TNPO1: variants seen among roughly 807,000 people sequenced by gnomAD.
TNPO1 encodes the protein transportin 1, also known as transportin-1.
Under a neutral mutation model 119.5 loss-of-function variants are expected in TNPO1, and 8 were observed. The observed-to-expected ratio is 0.07, with a 90% CI of 0.04 to 0.12. TNPO1 has a LOEUF of 0.12. Among genes scored for constraint, TNPO1 ranks in the 10% least tolerant of loss-of-function variants. The pLI, the probability that TNPO1 is intolerant of heterozygous loss-of-function variation, is 1.00. For missense variants in TNPO1, 576 were observed against 1,089.8 expected (o/e 0.53, Z 6.64); for synonymous variants, 362 against 363.0 (o/e 1.00, Z 0.03).
At chr5:72,900,216 T>C (rs1246391801) in intron 21 of TNPO1, 135 bp downstream of exon 21, 2 of 716,188 alleles carry the variant, frequency 2.8e-6, no homozygotes, top group Non-Finnish European at 4.6e-6. Flanking sequence ...ACTAATCTTG[T>C]CCTATCAGGT....
At chr5:72,853,173 A>T (rs1745718277) in intron 3 of TNPO1, among the ~76,000 whole-genome samples, 1 of 152,192 alleles carries the variant, frequency 6.6e-6, no homozygotes. Flanking sequence ...ACCTCAGGCC[A>T]GGCAAGGTGG....
chr5:72,871,771 G>A (rs975847350), intron 6 of TNPO1: 3 of 152,292 alleles, frequency 2.0e-5, no homozygotes, highest in Non-Finnish European at 4.4e-5. Context: ...TTGGGTTGTA[G>A]CAGCATAATG....
At chr5:72,882,000 A>T (rs548206711) in intron 9 of TNPO1, among the ~76,000 whole-genome samples, 32 of 152,280 alleles carry the variant, frequency 2.1e-4, no homozygotes, top group Non-Finnish European at 2.5e-4. Flanking sequence ...ACTCTTCATT[A>T]TCTTAACATT....
At chr5:72,891,319 G>A (rs537575657) in intron 14 of TNPO1, among the ~76,000 whole-genome samples, 1 of 152,132 alleles carries the variant, frequency 6.6e-6, no homozygotes, top group African/African-American at 2.4e-5. Flanking sequence ...CAAAAAATTA[G>A]CCGGGTGTGG....
chr5:72,894,128 C>T (rs995550291), intron 18 of TNPO1, among the ~76,000 whole-genome samples: 1 of 152,216 alleles, frequency 6.6e-6, no homozygotes, highest in Non-Finnish European at 1.5e-5. Flanking sequence ...CAACAAATGT[C>T]ACTTTAACTG....
rs114931910 is a variant in TNPO1, at chr5:72,822,215, C to T, written c.15+5463C>T. ...TACATCGATTTAAAAGGGAAAACAA[C>T]TCAGTTTTTTAAGTGGGCAAGTTCC... On this transcript the variant is annotated intron_variant, in intron 1 of 24. Transcript: ENST00000337273. Among the ~76,000 whole-genome samples the T allele has an allele frequency of 6.4e-3, 972 of 152,178 alleles. 8 individuals carry two copies. Among genetic ancestry groups the T allele is most frequent in the African/African-American group, 0.022 (925 of 41,512 alleles).
intron 9 of TNPO1, among the ~76,000 whole-genome samples, chr5:72,880,823 A>C (rs893198431): frequency 1.6e-4 from 25 of 151,776 alleles, no homozygotes; most frequent in Non-Finnish European, 2.8e-4. Context: ...TCTCAAAAAA[A>C]AAAAAAAAAA....
chr5:72,861,022 C>T (rs1006888861), intron 4 of TNPO1, among the ~76,000 whole-genome samples: 9 of 151,860 alleles, frequency 5.9e-5, no homozygotes, highest in African/African-American at 1.5e-4. Flanking sequence ...AAGCGATTCT[C>T]CTGCCTCAGC....
chr5:72,817,055 G>T, intron 1 of TNPO1: 1 of 420,514 alleles, frequency 2.4e-6, no homozygotes. Flanking sequence ...CTTACATTCA[G>T]GGGAGCGTTT....
At chr5:72,830,570 A>G (rs1389177174) in intron 1 of TNPO1, among the ~76,000 whole-genome samples, 2 of 152,186 alleles carry the variant, frequency 1.3e-5, no homozygotes, top group African/African-American at 4.8e-5. Flanking sequence ...AGCACTTAAG[A>G]AATGTTTGCT....
intron 1 of TNPO1, among the ~76,000 whole-genome samples, chr5:72,821,834 T>C (rs1222963692): frequency 6.6e-6 from 1 of 152,140 alleles, no homozygotes; most frequent in Non-Finnish European, 1.5e-5. Flanking sequence ...TCAGTAAACA[T>C]AAAGATCTGC....
At chr5:72,875,849 T>C in intron 8 of TNPO1, 112 bp downstream of exon 8, 2 of 1,253,376 alleles carry the variant, frequency 1.6e-6, no homozygotes, top group Non-Finnish European at 2.2e-6. Flanking sequence ...TATAATTGTC[T>C]TAAAATTATA....
At chr5:72,890,889 T>G (rs534893501) in intron 14 of TNPO1, among the ~76,000 whole-genome samples, 1 of 152,276 alleles carries the variant, frequency 6.6e-6, no homozygotes, top group African/African-American at 2.4e-5. Flanking sequence ...GGTCTCACTC[T>G]GTCACCTAGG....
intron 1 of TNPO1, among the ~76,000 whole-genome samples, chr5:72,837,441 G>A (rs907376328): frequency 2.6e-5 from 4 of 152,094 alleles, no homozygotes; most frequent in Non-Finnish European, 4.4e-5. Flanking sequence ...CATTCACGAG[G>A]GCAGAGCCTT....
Position 72,874,747 on chromosome 5 carries a change from C to T in TNPO1, c.679-868C>T, listed in dbSNP as rs116457969. ...TTTAGGTTCATTTTGTAGAGGATTT[C>T]TGTGATTTCCTGGAAAAAGACAGTG... On this transcript the variant is annotated intron_variant, in intron 7 of 24. Transcript: ENST00000337273. 8.3e-3 allele frequency among the ~76,000 whole-genome samples: 1,262 copies of T among 152,218 alleles called. 14 individuals are homozygous for T. The highest frequency in any genetic ancestry group is 0.029 in the African/African-American group (1,196 of 41,548).
intron 1 of TNPO1, among the ~76,000 whole-genome samples, chr5:72,834,097 T>C (rs1047839407): frequency 1.3e-5 from 2 of 152,152 alleles, no homozygotes; most frequent in African/African-American, 4.8e-5. Flanking sequence ...TATTGCGTCT[T>C]GATGCTGTAA....
intron 22 of TNPO1, among the ~76,000 whole-genome samples, chr5:72,903,212 A>G (rs1417620778): frequency 6.6e-6 from 1 of 151,900 alleles, no homozygotes; most frequent in Non-Finnish European, 1.5e-5. Flanking sequence ...GTTTTTCTTC[A>G]ATTTTTTGGT....
chr5:72,894,037 T>G (rs1046599990), intron 18 of TNPO1, among the ~76,000 whole-genome samples: 16 of 152,202 alleles, frequency 1.1e-4, no homozygotes, highest in African/African-American at 3.9e-4. Context: ...ACCTTTTTGG[T>G]AGAGGTACAC....
chr5:72,899,053 C>G (rs1454619803), intron 20 of TNPO1, among the ~76,000 whole-genome samples: 2 of 151,990 alleles, frequency 1.3e-5, no homozygotes, highest in African/African-American at 4.8e-5. Context: ...TATTTTAGCT[C>G]TTTGTAAGTT....
Sources: allele counts gnomAD v4.1 joint callset (sites outside exome capture counted in the v4.1 genomes callset), GRCh38; gene constraint gnomAD v4.1.1; transcripts MANE v1.5; gene names NCBI Gene and HGNC (gene_info 2026-07-23, HGNC 2026-07-21).